Variants in ASAP2 observed in about 807,000 individuals in gnomAD.
ASAP2 encodes the protein ArfGAP with SH3 domain, ankyrin repeat and PH domain 2, also known as arf-GAP with SH3 domain, ANK repeat and PH domain-containing protein 2.
Under a neutral mutation model 131.4 loss-of-function variants are expected in ASAP2, and 45 were observed. The ratio of observed to expected loss-of-function variants is 0.34; its 90% CI spans 0.27 to 0.44. The LOEUF (loss-of-function observed/expected upper bound fraction) is 0.44, where lower values mean the gene tolerates loss of function less well. Ranked by LOEUF, ASAP2 falls within the 20% of genes least tolerant of loss-of-function variation. ASAP2 has a pLI of 1.00. For synonymous variants in ASAP2, 510 were observed against 503.0 expected, an observed-to-expected ratio of 1.01 and a Z score of -0.19; for missense variants, 1,011 against 1,297.0, an observed-to-expected ratio of 0.78 and a Z score of 3.39.
chr2:9,397,727 G>GAGATATATATATATATATATATATATAT lies in ASAP2; in HGVS notation c.2685-2295_2685-2294insGATATATATATATATATATATATATATA, dbSNP rs897153464. 2.3e-4 allele frequency among the ~76,000 whole-genome samples: 19 copies of GAGATATATATATATATATATATATATAT among 83,522 alleles called. 2 individuals carry two copies. The highest frequency in any genetic ancestry group is 1.2e-3 in the African/African-American group (15 of 12,984). 54.8% of individuals were successfully genotyped at this position (83,522 alleles called of 152,430 possible). A position where few individuals can be genotyped will look rare whatever the true frequency, so the allele number is the denominator to read the frequency against. ...TTGGTTGGGAAAAAAAAATCAAAAG[G>GAGATATATATATATATATATATATATAT]ATATATATATATATATATATATATT... is the stretch of plus-strand genomic sequence containing the variant. On this transcript the variant is annotated intron_variant, in intron 24 of 27. Transcript: ENST00000281419.
chr2:9,237,296 G>A (rs147801449), intron 1 of ASAP2, among the ~76,000 whole-genome samples: 1 of 152,238 alleles, frequency 6.6e-6, no homozygotes, highest in African/African-American at 2.4e-5. Flanking sequence ...GGCTGGATTA[G>A]GACATTTCTC....
rs1407829196 is a variant in ASAP2 at position 9,361,357 on chromosome 2, C to T, written c.1461+2468C>T. Among the ~76,000 whole-genome samples, 4 of 152,262 alleles carry T rather than the reference C, an allele frequency of 2.6e-5. No individual in the cohort carries two copies. The South Asian group carries it at 8.3e-4, about 32-fold the overall frequency. On this transcript the variant is annotated intron_variant, in intron 15 of 27. Coordinates refer to ENST00000281419, the MANE Select transcript of ASAP2 (RefSeq NM_003887.3). Reference sequence around the variant, plus strand: ...TCCTCTGTGGTTCACAGGAGGTGGACATCTCCCCACGGCTCCCCCAATCCA... The same window carrying T: ...TCCTCTGTGGTTCACAGGAGGTGGATATCTCCCCACGGCTCCCCCAATCCA...
At chr2:9,329,367 A>G (rs917072372) in intron 7 of ASAP2, among the ~76,000 whole-genome samples, 6 of 152,306 alleles carry the variant, frequency 3.9e-5, no homozygotes, top group African/African-American at 4.8e-5. Context: ...GCCAGGCGCT[A>G]TTAGGGGTTT....
At chr2:9,348,025 C>A (rs1672081776) in intron 11 of ASAP2, among the ~76,000 whole-genome samples, 1 of 152,220 alleles carries the variant, frequency 6.6e-6, no homozygotes, top group Non-Finnish European at 1.5e-5. Flanking sequence ...TAAACTAGGG[C>A]TTCTCAAATT....
At chr2:9,254,990 ATC>A (rs1283828160) in intron 1 of ASAP2, among the ~76,000 whole-genome samples, 1 of 152,194 alleles carries the variant, frequency 6.6e-6, no homozygotes. Flanking sequence ...GTTTAACTTT[ATC>A]AAATGCTGCC....
intron 1 of ASAP2, among the ~76,000 whole-genome samples, chr2:9,224,822 G>T (rs2147997212): frequency 6.6e-6 from 1 of 152,298 alleles, no homozygotes; most frequent in South Asian, 2.1e-4. Context: ...GGACAGACCT[G>T]GGATGTCTGT....
intron 3 of ASAP2, among the ~76,000 whole-genome samples, chr2:9,305,577 A>G (rs1169664407): frequency 0.018 from 1,224 of 68,590 alleles, 25 homozygotes; most frequent in Admixed American, 0.021. Flanking sequence ...TGTAGTAGTG[A>G]GGTATAGATA....
rs1489118293 is a variant in ASAP2 at position 9,404,099 on chromosome 2, G to A, written c.*772G>A. On this transcript the variant is annotated 3_prime_UTR_variant, in exon 28 of 28. Coordinates refer to ENST00000281419, the MANE Select transcript of ASAP2 (RefSeq NM_003887.3). ...TTTTAAATTAGTTTATATGCTTTAG[G>A]TGTTTTGGAATTTGCCTTCTTGAAC... 2 of 152,154 alleles carry A rather than the reference G, an allele frequency of 1.3e-5. No individual in the cohort carries two copies. The highest frequency in any genetic ancestry group is 2.9e-5 in the Non-Finnish European group (2 of 68,044). 9.4% of individuals were successfully genotyped at this position (152,154 alleles called of 1,614,324 possible).
rs186915737 is a variant in ASAP2 at position 9,372,503 on chromosome 2, T to C, written c.1557-2252T>C. 1.4e-4 allele frequency among the ~76,000 whole-genome samples: 22 copies of C among 152,298 alleles called. No homozygotes were observed. The East Asian group carries it at 3.9e-3, about 27-fold the overall frequency. On this transcript the variant is annotated intron_variant, in intron 16 of 27. Transcript: ENST00000281419. ...GAAACCAGTTTTACCCTATGCCAAT[T>C]GATGTAAACCAGAGTTCAGTTCCTA... is the stretch of plus-strand genomic sequence containing the variant.
intron 1 of ASAP2, among the ~76,000 whole-genome samples, chr2:9,249,534 T>C (rs1664565592): frequency 6.6e-6 from 1 of 152,210 alleles, no homozygotes; most frequent in African/African-American, 2.4e-5. Flanking sequence ...AAGATTGCCC[T>C]GTAGGAGGAA....
In ASAP2 at chr2:9,335,711, T is replaced by C. The variant is rs182005458; in HGVS notation, c.849+532T>C. Among the ~76,000 whole-genome samples, 3 of 152,356 alleles carry C rather than the reference T, an allele frequency of 2.0e-5. No homozygotes were observed. In the East Asian group the frequency reaches 5.8e-4, roughly 29 times the overall value. On this transcript the variant is annotated intron_variant, in intron 9 of 27. Transcript: ENST00000281419. ...CCCTCTTTCTGTAATGACGTCTCTG[T>C]GTGCTAACACGTCAGCAGGGACAGT... is the stretch of plus-strand genomic sequence containing the variant.
intron 9 of ASAP2, among the ~76,000 whole-genome samples, chr2:9,342,552 T>A (rs1439908354): frequency 6.6e-6 from 1 of 152,236 alleles, no homozygotes; most frequent in Non-Finnish European, 1.5e-5. Context: ...TATAAACCTC[T>A]TGGAAGAGAT....
At chr2:9,305,273 G>A (rs1247447457) in intron 3 of ASAP2, among the ~76,000 whole-genome samples, 1 of 151,792 alleles carries the variant, frequency 6.6e-6, no homozygotes, top group African/African-American at 2.4e-5. Flanking sequence ...CTGTAATAGT[G>A]GGGTATAGAT....
chr2:9,399,564 C>T, intron 24 of ASAP2: 1 of 166,606 alleles, frequency 6.0e-6, no homozygotes, highest in Non-Finnish European at 1.3e-5. Flanking sequence ...CCGTGGTCAG[C>T]CACATTGGTT....
rs557786842 is a variant in ASAP2 at position 9,311,923 on chromosome 2, C to G, written c.346-6601C>G. On this transcript the variant is annotated intron_variant, in intron 3 of 27. Coordinates refer to ENST00000281419, the MANE Select transcript of ASAP2 (RefSeq NM_003887.3). The surrounding 1 kb of genome is among the most constrained non-coding windows in gnomAD (Gnocchi z 5.2). Reference sequence around the variant, plus strand: ...TACACCAAGCATGGAAAGGCAGAGGCAAGCAGGCTGATGTCCAGGAGTCTG... The same window carrying G: ...TACACCAAGCATGGAAAGGCAGAGGGAAGCAGGCTGATGTCCAGGAGTCTG... Among the ~76,000 whole-genome samples the G allele has an allele frequency of 1.7e-4, 26 of 152,236 alleles. No individual in the cohort carries two copies. Among genetic ancestry groups the G allele is most frequent in the Non-Finnish European group, 3.1e-4 (21 of 68,046 alleles).
At chr2:9,365,670 A>G (rs1469041944) in intron 15 of ASAP2, among the ~76,000 whole-genome samples, 1 of 152,174 alleles carries the variant, frequency 6.6e-6, no homozygotes, top group Non-Finnish European at 1.5e-5. Context: ...GGTGAGTGCC[A>G]AGAAAAGGGG....
At chr2:9,321,956 A>G (rs1670173673) in intron 5 of ASAP2, among the ~76,000 whole-genome samples, 1 of 152,210 alleles carries the variant, frequency 6.6e-6, no homozygotes, top group Admixed American at 6.5e-5. Flanking sequence ...AACAACCATA[A>G]TAGGTTTTAG....
chr2:9,380,002 AAT>A lies in ASAP2; in HGVS notation c.1949-737_1949-736del, dbSNP rs1436458572. Among the ~76,000 whole-genome samples the A allele has an allele frequency of 2.5e-4, 38 of 149,230 alleles. 2 individuals carry two copies. The highest frequency in any genetic ancestry group is 6.0e-4 in the African/African-American group (24 of 39,702). On this transcript the variant is annotated intron_variant, in intron 19 of 27. Transcript: ENST00000281419. ...CAAGACTCCATCTCAAAAAAAAAAA[AAT>A]AAATAAAGTATATACTTTCAGGGTT...
chr2:9,249,205 G>A (rs1664540754), intron 1 of ASAP2, among the ~76,000 whole-genome samples: 1 of 152,142 alleles, frequency 6.6e-6, no homozygotes, highest in African/African-American at 2.4e-5. Context: ...GACAGCAATG[G>A]CCTCATGTCT....
Sources: gnomAD v4.1 joint callset for allele counts (sites outside exome capture counted in the v4.1 genomes callset) on GRCh38, gnomAD v4.1.1 for gene constraint, Gnocchi (gnomAD v3.1) non-coding constraint, MANE v1.5 for transcripts, NCBI Gene and HGNC (gene_info 2026-07-23, HGNC 2026-07-21) for gene names.